The following MAP6 variants were observed in gnomAD, a reference collection of about 807,000 sequenced individuals.
The protein encoded by MAP6 is microtubule-associated protein 6.
MAP6 carries 26 observed loss-of-function variants against 42.4 expected under a neutral mutation model. The observed-to-expected ratio is 0.61, with a 90% CI of 0.45 to 0.85. The LOEUF is 0.85. Ranked by LOEUF, MAP6 falls within the 40% of genes least tolerant of loss-of-function variation. The pLI is 0.00. For synonymous variants in MAP6, 418 were observed against 443.8 expected (o/e 0.94, Z 0.73); for missense variants, 966 against 1,099.0 (o/e 0.88, Z 1.71).
At chr11:75,595,344 G>A (rs1942559735) in intron 3 of MAP6, among the ~76,000 whole-genome samples, 1 of 152,184 alleles carries the variant, frequency 6.6e-6, no homozygotes. Flanking sequence ...GGTATTTGAA[G>A]GGGGCAGCAA....
At position 75,587,838 on chromosome 11, in the gene MAP6, C is replaced by A; in HGVS notation, c.1663G>T (p.Val555Leu). ...CCTTGATCCTTTAGAGACTCTGGTA[C>A]CACAGAGCCTTGATCCTTAACTTTT... ...PAKVKDQGSV[V>L]PESLKDQGPR... is the part of the protein sequence containing the mutation. The change falls in exon 4 of 4, where the codon GTA becomes TTA. Residue 555 changes from valine to leucine, a missense_variant. This residue lies in a region of MAP6 where 943 missense variants were observed against 1,049.9 expected (regional missense o/e 0.90). Coordinates refer to ENST00000304771, the MANE Select transcript of MAP6 (RefSeq NM_033063.2). The A allele has an allele frequency of 6.2e-7, 1 of 1,614,140 alleles. No individual in the cohort carries two copies.
intron 1 of MAP6, among the ~76,000 whole-genome samples, chr11:75,617,514 C>CAAAAAAAA (rs61477947): frequency 3.6e-5 from 1 of 28,148 alleles, no homozygotes; most frequent in African/African-American, 1.0e-4. Context: ...AGACTGTCTC[C>CAAAAAAAA]AAAAAAAAAA....
chr11:75,606,356 A>G (rs1217013773), intron 2 of MAP6, among the ~76,000 whole-genome samples: 2 of 152,184 alleles, frequency 1.3e-5, no homozygotes, highest in Non-Finnish European at 2.9e-5. Context: ...CCACAGGCAT[A>G]GGATTTTGCT....
intron 3 of MAP6, chr11:75,604,619 CCTGA>C (rs1411646097): frequency 3.0e-6 from 3 of 985,342 alleles, no homozygotes; most frequent in South Asian, 4.7e-5. Context: ...ACAACAACTC[CCTGA>C]CTAATTCCTA....
chr11:75,610,009 G>T (rs1467799580), intron 1 of MAP6, among the ~76,000 whole-genome samples: 1 of 152,156 alleles, frequency 6.6e-6, no homozygotes, highest in Non-Finnish European at 1.5e-5. Flanking sequence ...GTTGCCATGG[G>T]AGTGGGACTG....
intron 1 of MAP6, among the ~76,000 whole-genome samples, chr11:75,628,030 G>A (rs1726364806): frequency 6.6e-6 from 1 of 152,158 alleles, no homozygotes; most frequent in Admixed American, 6.5e-5. Flanking sequence ...AAGGACACCC[G>A]GATCTCAGGG....
intron 1 of MAP6, among the ~76,000 whole-genome samples, chr11:75,614,923 T>C (rs1180880599): frequency 2.6e-5 from 4 of 152,216 alleles, no homozygotes; most frequent in Non-Finnish European, 2.9e-5. Flanking sequence ...ATGACCTTAA[T>C]GGAGAGAAGT....
At chr11:75,623,088 G>C (rs1031103136) in intron 1 of MAP6, among the ~76,000 whole-genome samples, 3 of 152,024 alleles carry the variant, frequency 2.0e-5, no homozygotes, top group Admixed American at 2.0e-4. Flanking sequence ...CAAAAAGATG[G>C]AAATAGCTTA....
At position 75,668,465 on chromosome 11, in the gene MAP6, T is replaced by A; in HGVS notation, c.-96A>T. Reference sequence around the variant, plus strand: ...AGCCTCCGATCCTGACCGGCCAATGTGGTTCCCACCGTTTTCTACCCCCGA... The same window carrying A: ...AGCCTCCGATCCTGACCGGCCAATGAGGTTCCCACCGTTTTCTACCCCCGA... On this transcript the variant is annotated 5_prime_UTR_variant, in exon 1 of 4. Coordinates refer to ENST00000304771, the MANE Select transcript of MAP6 (RefSeq NM_033063.2). 1 of 1,401,288 alleles carries A rather than the reference T, an allele frequency of 7.1e-7. No homozygotes were observed. Among genetic ancestry groups the A allele is most frequent in the Non-Finnish European group, 9.3e-7 (1 of 1,077,890 alleles). The allele number at this position is 1,401,288 out of a possible 1,614,324, so 86.8% of individuals were successfully genotyped here. A position where few individuals can be genotyped will look rare whatever the true frequency, so the allele number is the denominator to read the frequency against.
At chr11:75,636,606 A>C (rs1185668033) in intron 1 of MAP6, among the ~76,000 whole-genome samples, 1 of 152,118 alleles carries the variant, frequency 6.6e-6, no homozygotes, top group Non-Finnish European at 1.5e-5. Context: ...TATGCAAACC[A>C]ACCCAATAAC....
intron 3 of MAP6, among the ~76,000 whole-genome samples, chr11:75,602,155 C>G (rs1354283519): frequency 1.3e-5 from 2 of 152,104 alleles, no homozygotes; most frequent in South Asian, 2.1e-4. Context: ...AGGTTCCCAC[C>G]CAGCCCCCCA....
Position 75,587,149 on chromosome 11 carries a change from G to A in MAP6, c.2352C>T (p.Pro784=). 1.9e-6 allele frequency: 3 copies of A among 1,613,952 alleles called. No homozygotes were observed. The highest frequency in any genetic ancestry group is 2.5e-6 in the Non-Finnish European group (3 of 1,179,894). ...AGACAGTAGGTAGCTGAGGGTCCCT[G>A]GGACCTTGAGTCTTCAGAGGTTCAG... ...AVPEPLKTQG[P]RDPQLPTVSP... The change falls in exon 4 of 4, where the codon CCC becomes CCT. Residue 784 remains proline, a synonymous_variant. Transcript: ENST00000304771.
chr11:75,643,323 C>A (rs896187887), intron 1 of MAP6, among the ~76,000 whole-genome samples: 5 of 152,024 alleles, frequency 3.3e-5, no homozygotes, highest in South Asian at 2.1e-4. Flanking sequence ...TTTATAGCAA[C>A]CCAATCTTGC....
At chr11:75,634,996 C>T (rs1389520421) in intron 1 of MAP6, among the ~76,000 whole-genome samples, 1 of 152,008 alleles carries the variant, frequency 6.6e-6, no homozygotes, top group African/African-American at 2.4e-5. Flanking sequence ...GCAAAATAGG[C>T]GGCCAGGATT....
At chr11:75,623,464 G>C (rs1369945157) in intron 1 of MAP6, among the ~76,000 whole-genome samples, 2 of 152,272 alleles carry the variant, frequency 1.3e-5, no homozygotes, top group Non-Finnish European at 2.9e-5. Context: ...TAAAAATCCA[G>C]CTGGAACATC....
At chr11:75,621,806 T>G (rs1943116181) in intron 1 of MAP6, among the ~76,000 whole-genome samples, 1 of 152,180 alleles carries the variant, frequency 6.6e-6, no homozygotes, top group Admixed American at 6.5e-5. Context: ...GTGGATCACT[T>G]GAGGTCAGGA....
At chr11:75,625,340 T>C (rs559161269) in intron 1 of MAP6, among the ~76,000 whole-genome samples, 1 of 152,304 alleles carries the variant, frequency 6.6e-6, no homozygotes, top group African/African-American at 2.4e-5. Context: ...AAGCAATTAA[T>C]ATTTCAAAGG....
chr11:75,603,709 T>C (rs1196018131), intron 3 of MAP6: 1 of 985,212 alleles, frequency 1.0e-6, no homozygotes, highest in Admixed American at 6.2e-5. Flanking sequence ...GTTGTGTGGC[T>C]GTGGAGACAG....
intron 3 of MAP6, chr11:75,604,271 C>T (rs1419619417): frequency 2.0e-6 from 2 of 985,812 alleles, no homozygotes; most frequent in East Asian, 2.3e-4. Context: ...AAGGTGACAA[C>T]CAAAATGATG....
Sources: gnomAD v4.1 joint callset for allele counts (sites outside exome capture counted in the v4.1 genomes callset) on GRCh38, gnomAD v4.1.1 for gene constraint, gnomAD v4.1.1 regional missense constraint, MANE v1.5 for transcripts, NCBI Gene and HGNC (gene_info 2026-07-23, HGNC 2026-07-21) for gene names.